Variants in LDLRAD4 observed in about 807,000 individuals in gnomAD.
LDLRAD4 encodes the protein low density lipoprotein receptor class A domain containing 4.
Under a neutral mutation model 17.0 loss-of-function variants are expected in LDLRAD4, and 5 were observed. The ratio of observed to expected loss-of-function variants is 0.29; its 90% CI spans 0.15 to 0.62. LDLRAD4 has a LOEUF of 0.62. Ranked by LOEUF, LDLRAD4 falls within the 20% of genes least tolerant of loss-of-function variation. The pLI is 0.84. For missense variants in LDLRAD4, 340 were observed against 424.7 expected (o/e 0.80, Z 1.75); for synonymous variants, 168 against 171.8 (o/e 0.98, Z 0.17).
At chr18:13,442,611 G>T (rs2091103258) in intron 3 of LDLRAD4, among the ~76,000 whole-genome samples, 2 of 152,228 alleles carry the variant, frequency 1.3e-5, no homozygotes, top group Admixed American at 1.3e-4. Flanking sequence ...CTGCTGGCCG[G>T]CCGGCTGCGG....
intron 1 of LDLRAD4, among the ~76,000 whole-genome samples, chr18:13,293,845 G>A (rs904607455): frequency 6.6e-5 from 10 of 152,154 alleles, no homozygotes; most frequent in Admixed American, 4.6e-4. Flanking sequence ...CTAAAAATGC[G>A]GCTTTCCCCC....
chr18:13,410,700 T>TAACAATCTAAGAGATAAGGCC (rs1378571516), intron 2 of LDLRAD4, among the ~76,000 whole-genome samples: 1 of 152,238 alleles, frequency 6.6e-6, no homozygotes, highest in Non-Finnish European at 1.5e-5. Context: ...GTGATTAGGC[T>TAACAATCTAAGAGATAAGGCC]AACAATCTAA....
chr18:13,516,694 G>C (rs1488387627), intron 3 of LDLRAD4, among the ~76,000 whole-genome samples: 2 of 152,114 alleles, frequency 1.3e-5, no homozygotes, highest in East Asian at 3.9e-4. Flanking sequence ...TCTGTATAAG[G>C]TCATATAAAG....
intron 1 of LDLRAD4, among the ~76,000 whole-genome samples, chr18:13,299,833 A>T (rs1014146460): frequency 6.6e-6 from 1 of 151,720 alleles, no homozygotes; most frequent in African/African-American, 2.4e-5. Context: ...ATAGAGCAAG[A>T]CCCTGTCTCT....
At chr18:13,409,464 A>G (rs1033119518) in intron 2 of LDLRAD4, among the ~76,000 whole-genome samples, 1 of 152,260 alleles carries the variant, frequency 6.6e-6, no homozygotes, top group African/African-American at 2.4e-5. Context: ...TTGCCATTAG[A>G]CACAGGAAGA....
At chr18:13,355,025 A>G (rs2083255895) in intron 1 of LDLRAD4, among the ~76,000 whole-genome samples, 1 of 152,148 alleles carries the variant, frequency 6.6e-6, no homozygotes, top group Non-Finnish European at 1.5e-5. Flanking sequence ...TTTCCACCCC[A>G]TTTCTATGCC....
At chr18:13,514,538 A>T (rs895936609) in intron 3 of LDLRAD4, 1 of 152,198 alleles carries the variant, frequency 6.6e-6, no homozygotes, top group African/African-American at 2.4e-5. Flanking sequence ...GAGACAGACG[A>T]GGTAATGGGA....
exon 6 of LDLRAD4, chr18:13,647,269 TG>T (rs1218450837): frequency 6.6e-6 from 1 of 152,168 alleles, no homozygotes; most frequent in African/African-American, 2.4e-5. Flanking sequence ...TTATATACAA[TG>T]AAAAAAATAA....
intron 3 of LDLRAD4, among the ~76,000 whole-genome samples, chr18:13,610,476 C>T (rs1316082505): frequency 2.0e-5 from 3 of 151,378 alleles, no homozygotes; most frequent in African/African-American, 7.3e-5. Context: ...TTAGTAGAGA[C>T]GGGTTTCGCC....
intron 1 of LDLRAD4, among the ~76,000 whole-genome samples, chr18:13,346,101 T>C (rs1366162121): frequency 2.6e-5 from 4 of 152,216 alleles, no homozygotes; most frequent in South Asian, 2.1e-4. Flanking sequence ...CTGATCTTAG[T>C]TATTTCTTGC....
At chr18:13,637,044 C>CGA (rs1249370237) in intron 4 of LDLRAD4, among the ~76,000 whole-genome samples, 1 of 152,112 alleles carries the variant, frequency 6.6e-6, no homozygotes, top group African/African-American at 2.4e-5. Context: ...GTGATCCACT[C>CGA]ACCTTGGCCT....
At chr18:13,480,584 C>T (rs953694300) in intron 3 of LDLRAD4, among the ~76,000 whole-genome samples, 27 of 152,198 alleles carry the variant, frequency 1.8e-4, no homozygotes, top group African/African-American at 6.5e-4. Context: ...TGGTGGTGTC[C>T]GTCCATCAAG....
intron 1 of LDLRAD4, among the ~76,000 whole-genome samples, chr18:13,342,477 C>CTTTTTT (rs10706515): frequency 1.8e-3 from 68 of 38,696 alleles, no homozygotes; most frequent in Non-Finnish European, 2.4e-3. Flanking sequence ...GCCTTCCTGT[C>CTTTTTT]TTTTTTTTTT....
chr18:13,568,249 A>G (rs923371023), intron 3 of LDLRAD4, among the ~76,000 whole-genome samples: 1 of 151,686 alleles, frequency 6.6e-6, no homozygotes, highest in Non-Finnish European at 1.5e-5. Flanking sequence ...AGCCAAGATC[A>G]TGCCACTGCA....
chr18:13,334,580 A>G (rs756266141), intron 1 of LDLRAD4, among the ~76,000 whole-genome samples: 13 of 152,140 alleles, frequency 8.5e-5, no homozygotes, highest in Non-Finnish European at 1.3e-4. Flanking sequence ...ATCTTGCTAT[A>G]GTTGCTTATT....
At chr18:13,256,637 G>T (rs2043518937) in intron 1 of LDLRAD4, among the ~76,000 whole-genome samples, 1 of 152,220 alleles carries the variant, frequency 6.6e-6, no homozygotes, top group Admixed American at 6.5e-5. Flanking sequence ...GAGTACTTGG[G>T]TCAGGTTACA....
intron 3 of LDLRAD4, among the ~76,000 whole-genome samples, chr18:13,579,898 A>G (rs1207434709): frequency 6.6e-6 from 1 of 152,124 alleles, no homozygotes; most frequent in African/African-American, 2.4e-5. Context: ...TTGCCCCTCT[A>G]CAGTGTCCCT....
intron 3 of LDLRAD4, among the ~76,000 whole-genome samples, chr18:13,590,446 C>T (rs1438787548): frequency 6.6e-6 from 1 of 152,182 alleles, no homozygotes; most frequent in East Asian, 1.9e-4. Flanking sequence ...AAATCAGAAA[C>T]ATGGCGCATG....
At chr18:13,378,690 C>T (rs1476226876) in intron 1 of LDLRAD4, among the ~76,000 whole-genome samples, 13 of 152,040 alleles carry the variant, frequency 8.6e-5, no homozygotes, top group Admixed American at 8.5e-4. Context: ...TTTTTTTCCT[C>T]TTCTACTATT....
Sources: allele counts gnomAD v4.1 joint callset (sites outside exome capture counted in the v4.1 genomes callset), GRCh38; gene constraint gnomAD v4.1.1; transcripts MANE v1.5; gene names NCBI Gene and HGNC (gene_info 2026-07-23, HGNC 2026-07-21).